Variants in SCN1A observed in about 807,000 individuals in gnomAD.
SCN1A encodes the protein sodium voltage-gated channel alpha subunit 1.
SCN1A carries 13 observed loss-of-function variants against 193.7 expected under a neutral mutation model. That is an observed-to-expected ratio of 0.07 (90% confidence interval 0.04 to 0.11). The LOEUF is 0.11. Ranked by LOEUF, SCN1A falls within the 10% of genes least tolerant of loss-of-function variation. The pLI is 1.00. For synonymous variants in SCN1A, 781 were observed against 843.6 expected (o/e 0.93, Z 1.29); for missense variants, 1,432 against 2,451.1 (o/e 0.58, Z 8.78).
chr2:166,017,322 C>A (rs375183083), intron 19 of SCN1A, among the ~76,000 whole-genome samples: 2 of 151,920 alleles, frequency 1.3e-5, no homozygotes, highest in Admixed American at 6.6e-5. Flanking sequence ...TCTGTTCTAG[C>A]ATTTGCACTG....
At chr2:166,087,229 G>A (rs909330721) in intron 2 of SCN1A, among the ~76,000 whole-genome samples, 1 of 151,746 alleles carries the variant, frequency 6.6e-6, no homozygotes, top group African/African-American at 2.4e-5. Context: ...GACTTTGGGA[G>A]GCTGAGGTGG....
intron 1 of SCN1A, among the ~76,000 whole-genome samples, chr2:166,137,045 C>A (rs763214294): frequency 1.1e-4 from 17 of 152,168 alleles, no homozygotes; most frequent in Admixed American, 2.0e-4. Flanking sequence ...ATACTCCCAA[C>A]ACTCTCTTCC....
chr2:166,102,047 A>G (rs1486431114), intron 2 of SCN1A, among the ~76,000 whole-genome samples: 4 of 152,232 alleles, frequency 2.6e-5, no homozygotes, highest in Non-Finnish European at 5.9e-5. Flanking sequence ...AACCCCATTT[A>G]AAAATGGGCA....
At position 165,991,044 on chromosome 2, in the gene SCN1A, G is replaced by C. The variant is rs1011777645; in HGVS notation, c.*201C>G. ...CTGGTAGTGAGAACAGTAACCTCCTGTCAAGGTCATCTCCCCTTTACACAG... is the reference window on the plus strand; with the variant it reads ...CTGGTAGTGAGAACAGTAACCTCCTCTCAAGGTCATCTCCCCTTTACACAG... On this transcript the variant is annotated 3_prime_UTR_variant, in exon 29 of 29. Coordinates refer to ENST00000674923, the MANE Select transcript of SCN1A (RefSeq NM_001165963.4). The C allele has an allele frequency of 1.7e-6, 1 of 574,314 alleles. No individual in the cohort carries two copies. Among genetic ancestry groups the C allele is most frequent in the Non-Finnish European group, 3.1e-6 (1 of 325,638 alleles). The allele number at this position is 574,314 out of a possible 1,614,324, so 35.6% of individuals were successfully genotyped here. A position where few individuals can be genotyped will look rare whatever the true frequency, so the allele number is the denominator to read the frequency against.
chr2:166,124,711 C>T (rs1691039081), intron 2 of SCN1A, among the ~76,000 whole-genome samples: 1 of 152,206 alleles, frequency 6.6e-6, no homozygotes, highest in Non-Finnish European at 1.5e-5. Flanking sequence ...AGCTGTAGCT[C>T]TACCATCACA....
intron 24 of SCN1A, 91 bp downstream of exon 24, chr2:166,002,381 T>C (rs2105506906): frequency 7.5e-7 from 1 of 1,324,788 alleles, no homozygotes; most frequent in South Asian, 1.4e-5. Context: ...AAATATATAC[T>C]TTTTCTTAGG....
intron 19 of SCN1A, among the ~76,000 whole-genome samples, chr2:166,026,176 A>G (rs1182777525): frequency 2.6e-5 from 4 of 152,148 alleles, no homozygotes; most frequent in Non-Finnish European, 5.9e-5. Flanking sequence ...TTGAGATAAT[A>G]TACAGTCATA....
chr2:166,058,779 T>G (rs1335434198), intron 4 of SCN1A, 91 bp from the exon 5 acceptor site: 1 of 801,946 alleles, frequency 1.2e-6, no homozygotes, highest in African/African-American at 1.7e-5. Flanking sequence ...AATAAATTAT[T>G]GTAAAGTTAA....
chr2:165,992,410 G>A lies in SCN1A; in HGVS notation c.4865C>T (p.Ala1622Val). The A allele has an allele frequency of 6.2e-7, 1 of 1,613,424 alleles. No individual in the cohort carries two copies. Among genetic ancestry groups the A allele is most frequent in the Non-Finnish European group, 8.5e-7 (1 of 1,179,648 alleles). The change falls in exon 29 of 29, where the codon GCC (alanine) becomes GTC (valine). Residue 1622 changes from alanine to valine, a missense_variant. By Grantham distance (64) the Ala-to-Val change is moderately conservative. Transcript: ENST00000674923. The surrounding 1 kb of genome is among the most constrained non-coding windows in gnomAD (Gnocchi z 6.5). ...VILSIVGMFL[A>V]ELIEKYFVSP... ...CACGAAATACTTTTCTATCAGCTCG[G>A]CAAGAAACATACCTATGAATAAACA...
intron 1 of SCN1A, among the ~76,000 whole-genome samples, chr2:166,145,467 G>A (rs1490288059): frequency 2.0e-5 from 3 of 151,908 alleles, no homozygotes; most frequent in Non-Finnish European, 4.4e-5. Flanking sequence ...TCTCAGAATA[G>A]CACCTAATTT....
intron 23 of SCN1A, among the ~76,000 whole-genome samples, chr2:166,005,916 GC>G (rs1252645892): frequency 6.6e-6 from 1 of 151,226 alleles, no homozygotes; most frequent in African/African-American, 2.4e-5. Flanking sequence ...CTTCTCAGAA[GC>G]TTTTTTTTCA....
chr2:166,005,369 A>G (rs1477041441), intron 23 of SCN1A, among the ~76,000 whole-genome samples: 1 of 151,356 alleles, frequency 6.6e-6, no homozygotes, highest in Non-Finnish European at 1.5e-5. Flanking sequence ...GAGCACAGGG[A>G]GAAGTTTGTG....
At chr2:166,052,302 T>A (rs1489510741) in intron 8 of SCN1A, among the ~76,000 whole-genome samples, 1 of 152,022 alleles carries the variant, frequency 6.6e-6, no homozygotes, top group Non-Finnish European at 1.5e-5. Flanking sequence ...ACTTGTCTCA[T>A]ATTTTCATTA....
chr2:166,028,293 T>C (rs1338929847), intron 19 of SCN1A, among the ~76,000 whole-genome samples: 1 of 152,194 alleles, frequency 6.6e-6, no homozygotes, highest in Non-Finnish European at 1.5e-5. Context: ...ATTGCATTTA[T>C]AATCCCCAAG....
At position 166,052,953 on chromosome 2, in the gene SCN1A, G is replaced by C; in HGVS notation, c.603-10C>G. The C allele has an allele frequency of 6.2e-7, 1 of 1,606,988 alleles. No individual in the cohort carries two copies. The highest frequency in any genetic ancestry group is 1.1e-5 in the South Asian group (1 of 90,838). On this transcript the variant is annotated splice_polypyrimidine_tract_variant and intron_variant, in intron 7 of 28. Coordinates refer to ENST00000674923, the MANE Select transcript of SCN1A (RefSeq NM_001165963.4). The stretch of plus-strand genomic sequence containing the variant: ...AAACTCTGTGACGTACCTGTAATAG[G>C]GAGTTCACACACAAACACAAAAACA...
chr2:166,011,398 A>C (rs1350515248), intron 22 of SCN1A, among the ~76,000 whole-genome samples: 1 of 151,088 alleles, frequency 6.6e-6, no homozygotes, highest in Non-Finnish European at 1.5e-5. Context: ...GAAGTCAGTC[A>C]CTTGTTTTCA....
chr2:166,086,941 C>T (rs1172485716), intron 2 of SCN1A, among the ~76,000 whole-genome samples: 1 of 152,020 alleles, frequency 6.6e-6, no homozygotes, highest in African/African-American at 2.4e-5. Flanking sequence ...GCAGATGTGA[C>T]ATTGAGCCAA....
intron 5 of SCN1A, among the ~76,000 whole-genome samples, chr2:166,057,740 T>TA (rs1328964362): frequency 6.6e-6 from 1 of 151,788 alleles, no homozygotes; most frequent in African/African-American, 2.4e-5. Context: ...TAGAATCCTT[T>TA]AAAAAAAAGT....
chr2:166,121,967 A>G (rs1690651702), intron 2 of SCN1A, among the ~76,000 whole-genome samples: 1 of 152,200 alleles, frequency 6.6e-6, no homozygotes, highest in Non-Finnish European at 1.5e-5. Flanking sequence ...GAAAAGAGAC[A>G]CCAGGAATGC....
Sources: allele counts gnomAD v4.1 joint callset (sites outside exome capture counted in the v4.1 genomes callset), GRCh38; gene constraint gnomAD v4.1.1; non-coding constraint Gnocchi (gnomAD v3.1); transcripts MANE v1.5; gene names NCBI Gene and HGNC (gene_info 2026-07-23, HGNC 2026-07-21).